DLGAP2: variants seen among roughly 807,000 people sequenced by gnomAD.
The protein encoded by DLGAP2 is disks large-associated protein 2.
In DLGAP2, 26 loss-of-function variants were observed where a neutral mutation model predicts 100.3. That is an observed-to-expected ratio of 0.26 (90% CI 0.19 to 0.36). The LOEUF (loss-of-function observed/expected upper bound fraction) is 0.36, where lower values mean the gene tolerates loss of function less well. Ranked by LOEUF, DLGAP2 falls within the 10% of genes least tolerant of loss-of-function variation. The pLI is 1.00. For synonymous variants in DLGAP2, 886 were observed against 630.1 expected (o/e 1.41, Z -6.08); for missense variants, 1,858 against 1,453.2 (o/e 1.28, Z -4.53).
chr8:834,637 C>T (rs1796839549), intron 1 of DLGAP2, among the ~76,000 whole-genome samples: 2 of 152,072 alleles, frequency 1.3e-5, no homozygotes, highest in East Asian at 1.9e-4. Flanking sequence ...AAAAGGAAAC[C>T]TTCTGGGAAA....
At chr8:1,582,710 C>A (rs1402677777) in intron 6 of DLGAP2, among the ~76,000 whole-genome samples, 1 of 152,184 alleles carries the variant, frequency 6.6e-6, no homozygotes, top group Admixed American at 6.5e-5. Flanking sequence ...CTGCCTCAGC[C>A]TCCCGAGCAG....
intron 12 of DLGAP2, among the ~76,000 whole-genome samples, chr8:1,689,790 C>T (rs892005586): frequency 1.3e-5 from 2 of 152,148 alleles, no homozygotes; most frequent in African/African-American, 2.4e-5. Flanking sequence ...TGATGAGATG[C>T]GTAGATCATC....
At chr8:1,356,094 G>C (rs1801844528) in intron 3 of DLGAP2, among the ~76,000 whole-genome samples, 1 of 152,222 alleles carries the variant, frequency 6.6e-6, no homozygotes, top group African/African-American at 2.4e-5. Flanking sequence ...GCAGGTCCCT[G>C]GACAAGGTGG....
At chr8:1,107,692 G>A (rs73670443) in intron 2 of DLGAP2, among the ~76,000 whole-genome samples, 5,717 of 152,278 alleles carry the variant, frequency 0.038, 356 homozygotes, top group African/African-American at 0.13. Context: ...CTCTGTCCCA[G>A]CAGAGCTGTT....
chr8:1,008,757 C>A (rs1334254676), intron 2 of DLGAP2, among the ~76,000 whole-genome samples: 1 of 152,192 alleles, frequency 6.6e-6, no homozygotes, highest in Non-Finnish European at 1.5e-5. Flanking sequence ...CACTGAGGGT[C>A]CGTCAGGGAG....
At chr8:1,517,472 C>T (rs928555803) in intron 4 of DLGAP2, among the ~76,000 whole-genome samples, 63 of 152,244 alleles carry the variant, frequency 4.1e-4, no homozygotes, top group Non-Finnish European at 6.9e-4. Context: ...CCACTGAGAG[C>T]CTCCCACCCT....
chr8:1,353,880 C>G (rs1383602106), intron 3 of DLGAP2, among the ~76,000 whole-genome samples: 2 of 152,040 alleles, frequency 1.3e-5, no homozygotes, highest in Admixed American at 1.3e-4. Flanking sequence ...AGGTTAATAT[C>G]CCTAGAGGGG....
intron 8 of DLGAP2, among the ~76,000 whole-genome samples, chr8:1,644,222 C>G (rs150177911): frequency 6.6e-6 from 1 of 152,252 alleles, no homozygotes; most frequent in African/African-American, 2.4e-5. Flanking sequence ...ACTCTCCATC[C>G]TGCCTGCAGG....
In DLGAP2 at chr8:965,597, ACGGC is replaced by A; in HGVS notation, c.73+57632_73+57635del. On this transcript the variant is annotated intron_variant, in intron 2 of 14. Coordinates refer to ENST00000637795, the MANE Select transcript of DLGAP2 (RefSeq NM_001346810.2). ...GTGCACACGGCACTGTTCACCTCACACGGCTCCTGAGTCTGGCCCCGCACTGCAC... is the reference window on the plus strand; with the variant it reads ...GTGCACACGGCACTGTTCACCTCACATCCTGAGTCTGGCCCCGCACTGCAC... Among the ~76,000 whole-genome samples, 2 of 123,268 alleles carry A rather than the reference ACGGC, an allele frequency of 1.6e-5. 1 individual carries two copies. Among genetic ancestry groups the A allele is most frequent in the South Asian group, 5.9e-4 (2 of 3,410 alleles). The allele number at this position is 123,268 out of a possible 152,430, so 80.9% of individuals were successfully genotyped here.
chr8:1,388,061 G>A (rs980507967), intron 3 of DLGAP2, among the ~76,000 whole-genome samples: 4 of 152,258 alleles, frequency 2.6e-5, no homozygotes, highest in African/African-American at 9.6e-5. Context: ...GCTGGGGCTA[G>A]TGTCAGCGTC....
intron 13 of DLGAP2, among the ~76,000 whole-genome samples, chr8:1,693,132 A>G (rs2130879222): frequency 7.1e-6 from 1 of 140,660 alleles, no homozygotes. Flanking sequence ...CATGCTAAAC[A>G]TTAACATATA....
chr8:1,051,626 G>T (rs189282928), intron 2 of DLGAP2, among the ~76,000 whole-genome samples: 1 of 152,278 alleles, frequency 6.6e-6, no homozygotes, highest in African/African-American at 2.4e-5. Context: ...ATTTTCTGGG[G>T]TCTTAAATGG....
intron 3 of DLGAP2, among the ~76,000 whole-genome samples, chr8:1,452,232 G>T (rs955454231): frequency 6.6e-6 from 1 of 152,150 alleles, no homozygotes; most frequent in Non-Finnish European, 1.5e-5. Flanking sequence ...TGGGTGTTCT[G>T]TGGCTGCGTG....
intron 4 of DLGAP2, among the ~76,000 whole-genome samples, chr8:1,503,479 C>A (rs1001356038): frequency 6.6e-6 from 1 of 152,158 alleles, no homozygotes; most frequent in Non-Finnish European, 1.5e-5. Flanking sequence ...CTGAGCCACA[C>A]TGCACTTTGT....
intron 1 of DLGAP2, among the ~76,000 whole-genome samples, chr8:894,353 C>T (rs1025023939): frequency 2.6e-5 from 4 of 152,142 alleles, no homozygotes; most frequent in African/African-American, 9.7e-5. Context: ...GATGCGTTCA[C>T]AGCAGCCAAG....
In DLGAP2 at chr8:911,595, G is replaced by A. The variant is rs538506447; in HGVS notation, c.73+3629G>A. Among the ~76,000 whole-genome samples, 13 of 152,188 alleles carry A rather than the reference G, an allele frequency of 8.5e-5. 1 individual carries two copies. The highest frequency in any genetic ancestry group is 3.4e-3 in the Middle Eastern group (1 of 294). On this transcript the variant is annotated intron_variant, in intron 2 of 14. Coordinates refer to ENST00000637795, the MANE Select transcript of DLGAP2 (RefSeq NM_001346810.2). The stretch of plus-strand genomic sequence containing the variant: ...AAGGATGTGTGTATAATGTATGTTG[G>A]AAGGATGCTGGAGAATGTTGGAAGG...
At chr8:974,451 C>G (rs917874934) in intron 2 of DLGAP2, among the ~76,000 whole-genome samples, 7 of 152,176 alleles carry the variant, frequency 4.6e-5, no homozygotes, top group Non-Finnish European at 1.0e-4. Context: ...AAACACATTC[C>G]TCTCAAGCTT....
chr8:860,815 A>T (rs556319671), intron 1 of DLGAP2, among the ~76,000 whole-genome samples: 4 of 152,294 alleles, frequency 2.6e-5, no homozygotes, highest in Non-Finnish European at 5.9e-5. Context: ...AGTGAGAAAG[A>T]CGGAGAAGAA....
intron 1 of DLGAP2, among the ~76,000 whole-genome samples, chr8:765,260 G>A (rs118125615): frequency 7.4e-4 from 112 of 152,202 alleles, no homozygotes; most frequent in Non-Finnish European, 1.4e-3. Flanking sequence ...GATTTTCAAG[G>A]GCTGTTCTAG....
Sources: gnomAD v4.1 joint callset for allele counts (sites outside exome capture counted in the v4.1 genomes callset) on GRCh38, gnomAD v4.1.1 for gene constraint, MANE v1.5 for transcripts, NCBI Gene and HGNC (gene_info 2026-07-23, HGNC 2026-07-21) for gene names.